NTN4: variants seen among roughly 807,000 people sequenced by gnomAD.
NTN4 encodes netrin-4.
Under a neutral mutation model 73.6 loss-of-function variants are expected in NTN4, and 32 were observed. The observed-to-expected ratio is 0.44, with a 90% CI of 0.33 to 0.58. The LOEUF is 0.58. Among genes scored for constraint, NTN4 ranks in the 20% least tolerant of loss-of-function variants. NTN4 has a pLI of 0.04. For missense variants in NTN4, 654 were observed against 798.3 expected (o/e 0.82, Z 2.18); for synonymous variants, 258 against 287.5 (o/e 0.90, Z 1.04).
chr12:95,782,879 G>A, intron 2 of NTN4, among the ~76,000 whole-genome samples: 1 of 152,214 alleles, frequency 6.6e-6, no homozygotes, highest in South Asian at 2.1e-4. Flanking sequence ...CACTGGAACA[G>A]ATGCTGTTTC....
rs1228583484 is a variant in NTN4 at position 95,787,445 on chromosome 12, T to C, written c.79A>G (p.Ser27Gly). The C allele has an allele frequency of 1.2e-6, 2 of 1,613,902 alleles. No homozygotes were observed. The highest frequency in any genetic ancestry group is 2.2e-5 in the East Asian group (1 of 44,896). ...TTGCAGGCTTTTTCACAGCGGGAAC[T>C]CACTCCAGCTACTCCACTCAGTCCT... is the stretch of plus-strand genomic sequence containing the variant. Reference protein sequence around the residue: ...AAGLSGVAGVSSRCEKACNPR... With the variant: ...AAGLSGVAGVGSRCEKACNPR... The change falls in exon 2 of 10, where the codon AGT becomes GGT. Residue 27 changes from serine to glycine, a missense_variant. Ser to Gly is a moderately conservative substitution (Grantham distance 56, BLOSUM62 0). Transcript: ENST00000343702.
intron 2 of NTN4, among the ~76,000 whole-genome samples, chr12:95,753,256 T>C (rs1046105101): frequency 4.6e-5 from 7 of 151,528 alleles, no homozygotes; most frequent in Non-Finnish European, 2.9e-5. Context: ...ATTGTGGAAA[T>C]CTATCCTCAA....
At chr12:95,715,995 G>T (rs963013032) in intron 3 of NTN4, among the ~76,000 whole-genome samples, 11 of 151,502 alleles carry the variant, frequency 7.3e-5, no homozygotes, top group African/African-American at 2.7e-4. Flanking sequence ...TTAGTAAGAT[G>T]AAGGCATCCT....
chr12:95,724,575 C>T (rs1470458141), intron 3 of NTN4, among the ~76,000 whole-genome samples: 2 of 152,148 alleles, frequency 1.3e-5, no homozygotes, highest in African/African-American at 4.8e-5. Flanking sequence ...ATCAAATTGG[C>T]TCCTTTTCTC....
intron 5 of NTN4, among the ~76,000 whole-genome samples, chr12:95,709,879 C>G (rs573990213): frequency 6.6e-5 from 10 of 152,230 alleles, no homozygotes; most frequent in Admixed American, 2.0e-4. Context: ...AAAGCAGAAC[C>G]CATGCTATAA....
At chr12:95,745,979 C>T (rs1445808177) in intron 2 of NTN4, among the ~76,000 whole-genome samples, 1 of 152,320 alleles carries the variant, frequency 6.6e-6, no homozygotes, top group Non-Finnish European at 1.5e-5. Context: ...ATTGTTCCCT[C>T]CCTCCTTCAG....
intron 2 of NTN4, among the ~76,000 whole-genome samples, chr12:95,782,840 T>G (rs953408015): frequency 6.6e-6 from 1 of 152,210 alleles, no homozygotes; most frequent in African/African-American, 2.4e-5. Context: ...AGACAGTAAC[T>G]ACATCCCTTT....
intron 7 of NTN4, among the ~76,000 whole-genome samples, chr12:95,681,636 T>C (rs572272718): frequency 2.6e-5 from 4 of 152,328 alleles, no homozygotes; most frequent in Admixed American, 2.6e-4. Flanking sequence ...AATCACTTGC[T>C]TTTCTACAAG....
At chr12:95,783,652 T>G (rs560512632) in intron 2 of NTN4, among the ~76,000 whole-genome samples, 1 of 152,348 alleles carries the variant, frequency 6.6e-6, no homozygotes, top group African/African-American at 2.4e-5. Context: ...AGAAGACTTG[T>G]GACTTAGTCC....
At chr12:95,666,943 AG>A (rs59334947) in intron 8 of NTN4, among the ~76,000 whole-genome samples, 64,853 of 151,960 alleles carry the variant, frequency 0.43, 14,042 homozygotes, top group Admixed American at 0.48. Context: ...TGAAACAAAA[AG>A]TCTGTGCATA....
At chr12:95,748,075 C>T (rs944895229) in intron 2 of NTN4, among the ~76,000 whole-genome samples, 4 of 151,384 alleles carry the variant, frequency 2.6e-5, no homozygotes, top group Admixed American at 1.3e-4. Flanking sequence ...ACTAAAAATA[C>T]GAAACATTAG....
intron 9 of NTN4, among the ~76,000 whole-genome samples, chr12:95,660,344 G>A (rs2078127493): frequency 6.6e-6 from 1 of 152,072 alleles, no homozygotes; most frequent in African/African-American, 2.4e-5. Flanking sequence ...AGTGAAACAA[G>A]CATTTGGGAA....
intron 7 of NTN4, chr12:95,671,171 A>T (rs1463356926): frequency 6.6e-6 from 1 of 151,880 alleles, no homozygotes; most frequent in Non-Finnish European, 1.5e-5. Flanking sequence ...GCTAATTTTT[A>T]TATTTTTAGT....
intron 5 of NTN4, among the ~76,000 whole-genome samples, chr12:95,706,350 AGT>A (rs1405104176): frequency 2.6e-5 from 4 of 152,238 alleles, no homozygotes; most frequent in Non-Finnish European, 5.9e-5. Context: ...TTTGCCAGTA[AGT>A]GTTTTCTTTT....
rs954412248 is a variant in NTN4 at position 95,781,167 on chromosome 12, C to T, written c.585+5772G>A. On this transcript the variant is annotated intron_variant, in intron 2 of 9. Transcript: ENST00000343702. The surrounding 1 kb of genome is among the most constrained non-coding windows in gnomAD (Gnocchi z 4.1). ...GGGGCCTGTTGTGGGGTTGGGGGAG[C>T]AGGGAGGGATAGCATTAAGAGATAT... Among the ~76,000 whole-genome samples the T allele has an allele frequency of 4.0e-5, 6 of 151,824 alleles. No homozygotes were observed. The highest frequency in any genetic ancestry group is 6.6e-5 in the Admixed American group (1 of 15,240).
intron 9 of NTN4, among the ~76,000 whole-genome samples, chr12:95,664,975 A>C (rs535493387): frequency 7.2e-4 from 110 of 152,214 alleles, no homozygotes; most frequent in Non-Finnish European, 1.1e-3. Flanking sequence ...TCACACAAGC[A>C]GGGAGATGCA....
intron 7 of NTN4, among the ~76,000 whole-genome samples, chr12:95,675,434 A>G (rs1174582042): frequency 6.6e-6 from 1 of 152,150 alleles, no homozygotes; most frequent in African/African-American, 2.4e-5. Flanking sequence ...ATGTGAATGC[A>G]CAACTTCTAA....
intron 2 of NTN4, among the ~76,000 whole-genome samples, chr12:95,747,449 G>A (rs1592700919): frequency 6.6e-6 from 1 of 152,028 alleles, no homozygotes; most frequent in East Asian, 1.9e-4. Context: ...GATTACAGGT[G>A]CATGCCACCA....
At chr12:95,730,379 C>G (rs1592690566) in intron 3 of NTN4, among the ~76,000 whole-genome samples, 1 of 152,126 alleles carries the variant, frequency 6.6e-6, no homozygotes, top group Non-Finnish European at 1.5e-5. Flanking sequence ...CCTTTCACCT[C>G]TCTGTGAAAT....
Sources: allele counts gnomAD v4.1 joint callset (sites outside exome capture counted in the v4.1 genomes callset), GRCh38; gene constraint gnomAD v4.1.1; non-coding constraint Gnocchi (gnomAD v3.1); transcripts MANE v1.5; gene names NCBI Gene and HGNC (gene_info 2026-07-23, HGNC 2026-07-21).